DCPS: variants seen among roughly 807,000 people sequenced by gnomAD.
DCPS encodes decapping enzyme, scavenger.
DCPS carries 27 observed loss-of-function variants against 34.7 expected under a neutral mutation model. The ratio of observed to expected loss-of-function variants is 0.78; its 90% CI spans 0.57 to 1.07. DCPS has a LOEUF of 1.07. DCPS is among the 50% of genes least tolerant of loss of function. DCPS has a pLI of 0.00. For synonymous variants in DCPS, 185 were observed against 185.7 expected, an observed-to-expected ratio of 1.00 and a Z score of 0.03; for missense variants, 464 against 436.9, an observed-to-expected ratio of 1.06 and a Z score of -0.55.
intron 2 of DCPS, among the ~76,000 whole-genome samples, chr11:126,307,791 AAC>A (rs1951584739): frequency 6.6e-6 from 1 of 152,216 alleles, no homozygotes; most frequent in Non-Finnish European, 1.5e-5. Flanking sequence ...TACATGTATT[AAC>A]ACAGTTAATC....
In DCPS at chr11:126,345,088, G is replaced by A. The variant is rs1951907540; in HGVS notation, c.748-259G>A. On this transcript the variant is annotated intron_variant, in intron 5 of 5. Transcript: ENST00000263579. This position sits in a 1 kb window ranked among gnomAD's most constrained non-coding sequence, Gnocchi z 7.4. ...GCCAGTGTTTTTTCCACGTTGGGGT[G>A]GGGAATGCTGATTGAGGCCGCTCCC... Among the ~76,000 whole-genome samples the A allele has an allele frequency of 6.6e-6, 1 of 152,220 alleles. No individual in the cohort carries two copies. Among genetic ancestry groups the A allele is most frequent in the African/African-American group, 2.4e-5 (1 of 41,466 alleles).
intron 2 of DCPS, 70 bp downstream of exon 2, chr11:126,306,814 G>A: frequency 6.5e-7 from 1 of 1,529,942 alleles, no homozygotes; most frequent in Non-Finnish European, 8.9e-7. Context: ...GTGGTATGGT[G>A]ACCAGACTCT....
Position 126,320,315 on chromosome 11 carries a change from A to G in DCPS, c.377-11090A>G, listed in dbSNP as rs1591384617. On this transcript the variant is annotated intron_variant, in intron 2 of 5. Coordinates refer to ENST00000263579, the MANE Select transcript of DCPS (RefSeq NM_014026.6). The surrounding 1 kb of genome is among the most constrained non-coding windows in gnomAD (Gnocchi z 4.7). ...TGGACTTGATGTTCCACTGGAGATGATCTTAAAGAACAAGCAAGTATGTCA... is the reference window on the plus strand; with the variant it reads ...TGGACTTGATGTTCCACTGGAGATGGTCTTAAAGAACAAGCAAGTATGTCA... 6.6e-6 allele frequency among the ~76,000 whole-genome samples: 1 copy of G among 152,178 alleles called. No homozygotes were observed. Among genetic ancestry groups the G allele is most frequent in the Non-Finnish European group, 1.5e-5 (1 of 68,032 alleles).
Position 126,344,205 on chromosome 11 carries a change from C to T in DCPS, c.747+788C>T, listed in dbSNP as rs186167907. Among the ~76,000 whole-genome samples, 2 of 152,244 alleles carry T rather than the reference C, an allele frequency of 1.3e-5. No individual in the cohort carries two copies. The highest frequency in any genetic ancestry group is 1.9e-4 in the East Asian group (1 of 5,170). Reference sequence around the variant, plus strand: ...TGCCCCTTTTTGACCAGTGATGCTTCGAGGTGTTAATGCAGACCTGGAGGC... The same window carrying T: ...TGCCCCTTTTTGACCAGTGATGCTTTGAGGTGTTAATGCAGACCTGGAGGC... On this transcript the variant is annotated intron_variant, in intron 5 of 5. Coordinates refer to ENST00000263579, the MANE Select transcript of DCPS (RefSeq NM_014026.6). The surrounding 1 kb of genome is among the most constrained non-coding windows in gnomAD (Gnocchi z 8.1).
At chr11:126,306,066 G>A (rs1665106267) in intron 1 of DCPS, among the ~76,000 whole-genome samples, 1 of 152,150 alleles carries the variant, frequency 6.6e-6, no homozygotes, top group South Asian at 2.1e-4. Flanking sequence ...ACTGCCACAA[G>A]GATTTGGGTG....
At chr11:126,326,991 G>C (rs184750636) in intron 2 of DCPS, among the ~76,000 whole-genome samples, 2 of 152,050 alleles carry the variant, frequency 1.3e-5, no homozygotes, top group Admixed American at 1.3e-4. Flanking sequence ...GGCTTTTTCT[G>C]TCTCCACATA....
At chr11:126,341,329 G>C (rs1951874496) in intron 4 of DCPS, 1 of 152,244 alleles carries the variant, frequency 6.6e-6, no homozygotes, top group Non-Finnish European at 1.5e-5. Flanking sequence ...ACCTTCTGGG[G>C]CGCCAGCCTG....
chr11:126,346,438 G>A lies in DCPS; in HGVS notation c.*825G>A, dbSNP rs1030619627. ...GGTTCAAGGCCTATCAGAGGCAGAT[G>A]TTCAGAGGATCTTGAGACCAGGAAG... is the stretch of plus-strand genomic sequence containing the variant. On this transcript the variant is annotated 3_prime_UTR_variant, in exon 6 of 6. Coordinates refer to ENST00000263579, the MANE Select transcript of DCPS (RefSeq NM_014026.6). This position sits in a 1 kb window ranked among gnomAD's most constrained non-coding sequence, Gnocchi z 4.1. 1.3e-5 allele frequency among the ~76,000 whole-genome samples: 2 copies of A among 152,248 alleles called. No individual in the cohort carries two copies. The highest frequency in any genetic ancestry group is 6.5e-5 in the Admixed American group (1 of 15,292).
In DCPS at chr11:126,332,287, C is replaced by T. The variant is rs376596835; in HGVS notation, c.522+737C>T. Among the ~76,000 whole-genome samples the T allele has an allele frequency of 9.8e-4, 149 of 152,352 alleles. No individual in the cohort carries two copies. Among genetic ancestry groups the T allele is most frequent in the African/African-American group, 3.3e-3 (138 of 41,584 alleles). On this transcript the variant is annotated intron_variant, in intron 3 of 5. Transcript: ENST00000263579. This position sits in a 1 kb window ranked among gnomAD's most constrained non-coding sequence, Gnocchi z 5.4. ...CCAGGCCAGATGCAAGGCCATTTAG[C>T]TCCAAGATCCTGACTCCTCCCTGGG...
At position 126,304,198 on chromosome 11, in the gene DCPS, G is replaced by C; in HGVS notation, c.118G>C (p.Val40Leu). Reference sequence around the variant, plus strand: ...AGTTGGAAATGGTACCTGTGCTCCTGTCCGCTTACCGTTCTCCGGCTTCAG... The same window carrying C: ...AGTTGGAAATGGTACCTGTGCTCCTCTCCGCTTACCGTTCTCCGGCTTCAG... ...AGVGNGTCAP[V>L]RLPFSGFRLQ... Residue 40 changes from valine (V) to leucine (L), a missense_variant, in exon 1 of 6, where the codon GTC becomes CTC. Physicochemically the swap from Val to Leu is conservative, Grantham distance 32 (BLOSUM62 1). Coordinates refer to ENST00000263579, the MANE Select transcript of DCPS (RefSeq NM_014026.6). The C allele has an allele frequency of 6.2e-7, 1 of 1,614,260 alleles. No homozygotes were observed. The highest frequency in any genetic ancestry group is 8.5e-7 in the Non-Finnish European group (1 of 1,180,050).
chr11:126,318,780 A>G (rs899230265), intron 2 of DCPS, among the ~76,000 whole-genome samples: 1 of 152,242 alleles, frequency 6.6e-6, no homozygotes, highest in African/African-American at 2.4e-5. Context: ...AGATGAGCTC[A>G]TCCTGTAGAA....
intron 2 of DCPS, among the ~76,000 whole-genome samples, chr11:126,307,511 A>C (rs1951581590): frequency 6.6e-6 from 1 of 151,926 alleles, no homozygotes; most frequent in Admixed American, 6.6e-5. Flanking sequence ...CACAGGTTCA[A>C]GCAATTCTCC....
At chr11:126,330,793 A>G (rs1291215212) in intron 2 of DCPS, among the ~76,000 whole-genome samples, 2 of 124,952 alleles carry the variant, frequency 1.6e-5, no homozygotes, top group Non-Finnish European at 1.6e-5. Flanking sequence ...CAGGAGTGCA[A>G]TGGTGCAATC....
Position 126,323,679 on chromosome 11 carries a change from C to T in DCPS, c.377-7726C>T, listed in dbSNP as rs1951722415. ...TCAGCCACCAGAGTAGCTGGGACTA[C>T]AGGCATGTGCTATCACACCCAGCTA... is the stretch of plus-strand genomic sequence containing the variant. On this transcript the variant is annotated intron_variant, in intron 2 of 5. Coordinates refer to ENST00000263579, the MANE Select transcript of DCPS (RefSeq NM_014026.6). This position sits in a 1 kb window ranked among gnomAD's most constrained non-coding sequence, Gnocchi z 4.4. Among the ~76,000 whole-genome samples, 1 of 152,072 alleles carries T rather than the reference C, an allele frequency of 6.6e-6. No homozygotes were observed. Among genetic ancestry groups the T allele is most frequent in the African/African-American group, 2.4e-5 (1 of 41,404 alleles).
rs148169927 is a variant in DCPS at position 126,337,686 on chromosome 11, C to T, written c.523-600C>T. The T allele has an allele frequency of 1.9e-3, 296 of 153,460 alleles. No homozygotes were observed. The highest frequency in any genetic ancestry group is 3.2e-3 in the Non-Finnish European group (221 of 68,894). 9.5% of individuals were successfully genotyped at this position (153,460 alleles called of 1,614,324 possible). ...GTGTCAGCAGAGACTGCTGATAAAC[C>T]GGCATCTGCAGCGGCTCCAGGCGGG... On this transcript the variant is annotated intron_variant, in intron 3 of 5. Transcript: ENST00000263579. This position sits in a 1 kb window ranked among gnomAD's most constrained non-coding sequence, Gnocchi z 5.3.
At chr11:126,305,249 G>A (rs182696264) in intron 1 of DCPS, among the ~76,000 whole-genome samples, 92 of 152,094 alleles carry the variant, frequency 6.0e-4, no homozygotes, top group African/African-American at 2.2e-3. Context: ...CAATAGCTGG[G>A]ATTACAGGCC....
In DCPS at chr11:126,309,633, G is replaced by A. The variant is rs187719944; in HGVS notation, c.376+2889G>A. On this transcript the variant is annotated intron_variant, in intron 2 of 5. Coordinates refer to ENST00000263579, the MANE Select transcript of DCPS (RefSeq NM_014026.6). ...TATGGAACCCACAATACGGAGGGCC[G>A]ACTGTACATGCGGTGCCTTTCGCTC... Among the ~76,000 whole-genome samples the A allele has an allele frequency of 6.1e-4, 93 of 152,200 alleles. 1 individual carries two copies. Among genetic ancestry groups the A allele is most frequent in the African/African-American group, 1.3e-3 (53 of 41,526 alleles).
In DCPS at chr11:126,345,281, TG is replaced by T; in HGVS notation, c.748-62del. On this transcript the variant is annotated intron_variant, in intron 5 of 5. Coordinates refer to ENST00000263579, the MANE Select transcript of DCPS (RefSeq NM_014026.6). This position sits in a 1 kb window ranked among gnomAD's most constrained non-coding sequence, Gnocchi z 7.4. ...GATTCAGATGGGAGGAGGGTCTAGG[TG>T]GGGACATGGCGCCGGGCCTCAGGCA... is the stretch of plus-strand genomic sequence containing the variant. 6.3e-7 allele frequency: 1 copy of T among 1,590,570 alleles called. No individual in the cohort carries two copies. Among genetic ancestry groups the T allele is most frequent in the African/African-American group, 1.3e-5 (1 of 74,840 alleles).
rs111973451 is a variant in DCPS at position 126,333,082 on chromosome 11, G to A, written c.522+1532G>A. ...GGCCTCGAACTCCTGAGCTCAGGCAGTCCGCCTGTCTTGGCCTCCCAAAGT... is the reference window on the plus strand; with the variant it reads ...GGCCTCGAACTCCTGAGCTCAGGCAATCCGCCTGTCTTGGCCTCCCAAAGT... On this transcript the variant is annotated intron_variant, in intron 3 of 5. Coordinates refer to ENST00000263579, the MANE Select transcript of DCPS (RefSeq NM_014026.6). The surrounding 1 kb of genome is among the most constrained non-coding windows in gnomAD (Gnocchi z 5.7). Among the ~76,000 whole-genome samples, 1 of 152,258 alleles carries A rather than the reference G, an allele frequency of 6.6e-6. No individual in the cohort carries two copies. The highest frequency in any genetic ancestry group is 2.4e-5 in the African/African-American group (1 of 41,548).
Sources: allele counts gnomAD v4.1 joint callset (sites outside exome capture counted in the v4.1 genomes callset), GRCh38; gene constraint gnomAD v4.1.1; non-coding constraint Gnocchi (gnomAD v3.1); transcripts MANE v1.5; gene names NCBI Gene and HGNC (gene_info 2026-07-23, HGNC 2026-07-21).